POLE: variants seen among roughly 807,000 people sequenced by gnomAD.
The protein encoded by POLE is DNA polymerase epsilon, catalytic subunit.
Under a neutral mutation model 279.2 loss-of-function variants are expected in POLE, and 188 were observed. The observed-to-expected ratio is 0.67, with a 90% CI of 0.60 to 0.76. The LOEUF (loss-of-function observed/expected upper bound fraction) is 0.76. Ranked by LOEUF, POLE falls within the 30% of genes least tolerant of loss-of-function variation. The pLI, the probability that POLE is intolerant of heterozygous loss-of-function variation, is 0.00. For synonymous variants in POLE, 1,214 were observed against 1,172.5 expected (o/e 1.04, Z -0.72); for missense variants, 2,703 against 3,016.7 (o/e 0.90, Z 2.44).
At chr12:132,666,599 T>C (rs1372300252) in intron 20 of POLE, among the ~76,000 whole-genome samples, 3 of 152,182 alleles carry the variant, frequency 2.0e-5, no homozygotes, top group Non-Finnish European at 4.4e-5. Flanking sequence ...GAAAGCATCA[T>C]GCTAAGTGAA....
intron 13 of POLE, 130 bp downstream of exon 13, chr12:132,673,445 C>A: frequency 1.5e-6 from 2 of 1,360,952 alleles, no homozygotes; most frequent in Admixed American, 3.5e-5. Flanking sequence ...CTGGGTGGAG[C>A]GGGCTGGCAT....
chr12:132,647,912 A>G (rs1483510127), intron 32 of POLE, among the ~76,000 whole-genome samples: 3 of 152,108 alleles, frequency 2.0e-5, no homozygotes, highest in Non-Finnish European at 4.4e-5. Context: ...CTCTGCGTCT[A>G]CTTTCTATAT....
intron 45 of POLE, among the ~76,000 whole-genome samples, chr12:132,628,899 T>A (rs1396893967): frequency 1.3e-5 from 2 of 152,196 alleles, no homozygotes; most frequent in Admixed American, 1.3e-4. Context: ...CACACTCCTG[T>A]TAATGTTGAT....
Position 132,632,426 on chromosome 12 carries a change from T to C in POLE, c.6219A>G (p.Lys2073=), listed in dbSNP as rs1386483928. 2 of 1,613,962 alleles carry C rather than the reference T, an allele frequency of 1.2e-6. No homozygotes were observed. Among genetic ancestry groups the C allele is most frequent in the Non-Finnish European group, 1.7e-6 (2 of 1,179,934 alleles). The change falls in exon 45 of 49, where the codon AAA becomes AAG. Residue 2073 remains lysine (K), a synonymous_variant. Coordinates refer to ENST00000320574, the MANE Select transcript of POLE (RefSeq NM_006231.4). ...CAGTGGAGTTCCGAGAGCCTGTGACTTTCTTCTGAATCTTCTGAGTGATGG... is the reference window on the plus strand; with the variant it reads ...CAGTGGAGTTCCGAGAGCCTGTGACCTTCTTCTGAATCTTCTGAGTGATGG... ...FFTITQKIQK[K]VTGSRNSTEL... is the part of the protein sequence containing the mutation.
chr12:132,686,615 A>C (rs1243842949), intron 1 of POLE, among the ~76,000 whole-genome samples: 1 of 152,008 alleles, frequency 6.6e-6, no homozygotes, highest in East Asian at 2.0e-4. Flanking sequence ...GGCGCCTGTA[A>C]TTCCAGCTAC....
Position 132,681,651 on chromosome 12 carries a change from T to C in POLE, c.63-372A>G, listed in dbSNP as rs556543338. Reference sequence around the variant, plus strand: ...TAAGTGTTTCGGATATGACAGGGTATATATATTCCTGAAAAACCCCGAGCT... The same window carrying C: ...TAAGTGTTTCGGATATGACAGGGTACATATATTCCTGAAAAACCCCGAGCT... On this transcript the variant is annotated intron_variant, in intron 1 of 48. Coordinates refer to ENST00000320574, the MANE Select transcript of POLE (RefSeq NM_006231.4). Among the ~76,000 whole-genome samples, 22 of 152,300 alleles carry C rather than the reference T, an allele frequency of 1.4e-4. No individual in the cohort carries two copies. In the South Asian group the frequency reaches 4.6e-3, roughly 32 times the overall value.
rs1060500851 is a variant in POLE, at chr12:132,659,374, C to T, written c.3196G>A (p.Asp1066Asn). 2 of 1,614,114 alleles carry T rather than the reference C, an allele frequency of 1.2e-6. No homozygotes were observed. Among genetic ancestry groups the T allele is most frequent in the African/African-American group, 1.3e-5 (1 of 74,950 alleles). Residue 1066 changes from aspartate (D) to asparagine (N), a missense_variant, in exon 26 of 49, where the codon GAC becomes AAC. Coordinates refer to ENST00000320574, the MANE Select transcript of POLE (RefSeq NM_006231.4). ...AGCCCTGCATCCTTGACCATCTGGTCTCCCAGGAACTCGGCCAGGCGCTTT... is the reference window on the plus strand; with the variant it reads ...AGCCCTGCATCCTTGACCATCTGGTTTCCCAGGAACTCGGCCAGGCGCTTT... ...TAKRLAEFLGDQMVKDAGLSC... is the reference protein window; with the variant it reads ...TAKRLAEFLGNQMVKDAGLSC...
intron 42 of POLE, 63 bp downstream of exon 42, chr12:132,635,829 C>T: frequency 1.9e-6 from 3 of 1,554,016 alleles, no homozygotes; most frequent in East Asian, 2.3e-5. Flanking sequence ...GCACTCAGCA[C>T]TTGCTGCAGG....
At chr12:132,658,546 G>C (rs1467049408) in intron 26 of POLE, 1 of 153,226 alleles carries the variant, frequency 6.5e-6, no homozygotes, top group Non-Finnish European at 1.5e-5. Context: ...GTAACACACA[G>C]AAGACTCAGG....
At chr12:132,673,336 T>G (rs2042974418) in intron 13 of POLE, 59 bp from the exon 14 acceptor site, 1 of 1,304,288 alleles carries the variant, frequency 7.7e-7, no homozygotes, top group Admixed American at 1.7e-5. Context: ...GGGTCAAGTG[T>G]GAAGCACAGA....
At chr12:132,629,853 A>G (rs1040230564) in intron 45 of POLE, among the ~76,000 whole-genome samples, 4 of 152,198 alleles carry the variant, frequency 2.6e-5, no homozygotes, top group Non-Finnish European at 4.4e-5. Flanking sequence ...GACTTTCAAC[A>G]TGCCTTCCTA....
intron 29 of POLE, among the ~76,000 whole-genome samples, chr12:132,655,066 G>A (rs925392030): frequency 7.2e-5 from 11 of 152,052 alleles, no homozygotes; most frequent in Non-Finnish European, 1.5e-4. Flanking sequence ...CACCATGCCT[G>A]GTTACCTTTA....
intron 43 of POLE, chr12:132,633,917 T>C (rs1565928159): frequency 2.6e-6 from 1 of 383,506 alleles, no homozygotes; most frequent in South Asian, 6.7e-5. Flanking sequence ...AACTCCTCAA[T>C]GACACGGCCA....
intron 26 of POLE, chr12:132,658,275 T>C (rs1243985171): frequency 3.4e-6 from 1 of 296,286 alleles, no homozygotes; most frequent in African/African-American, 2.2e-5. Flanking sequence ...CGTTTCTCAT[T>C]GAGTAACCAC....
intron 42 of POLE, among the ~76,000 whole-genome samples, chr12:132,635,479 G>GGCCCT (rs1240266017): frequency 5.3e-5 from 8 of 152,234 alleles, no homozygotes; most frequent in Non-Finnish European, 8.8e-5. Flanking sequence ...CGAAAGCCGA[G>GGCCCT]GCCCTGCCCT....
rs2138607789 is a variant in POLE, at chr12:132,649,413, C to A, written c.3898G>T (p.Gly1300Cys). 1 of 1,613,204 alleles carries A rather than the reference C, an allele frequency of 6.2e-7. No homozygotes were observed. Among genetic ancestry groups the A allele is most frequent in the South Asian group, 1.1e-5 (1 of 91,088 alleles). ...CGGATGGCCCCGGGCCTGAGCACAC[C>A]CTCTGCCGACTCCAGACGCTGCCTC... ...RKRQRLESAE[G>C]VLRPGAIRDG... Residue 1300 changes from glycine (G) to cysteine (C), a missense_variant, in exon 31 of 49, where the codon GGT becomes TGT. This residue lies in a region of POLE where 1,551 missense variants were observed against 1,686.1 expected (regional missense o/e 0.92). Coordinates refer to ENST00000320574, the MANE Select transcript of POLE (RefSeq NM_006231.4).
At chr12:132,632,248 C>T in intron 45 of POLE, 67 bp downstream of exon 45, 1 of 1,299,014 alleles carries the variant, frequency 7.7e-7, no homozygotes. Flanking sequence ...ACCTTGCACA[C>T]AGTAACATTC....
In POLE at chr12:132,657,407, A is replaced by G. The variant is rs1054915845; in HGVS notation, c.3401T>C (p.Ile1134Thr). The change falls in exon 28 of 49, where the codon ATT becomes ACT. Residue 1134 changes from isoleucine (I) to threonine (T), a missense_variant. Coordinates refer to ENST00000320574, the MANE Select transcript of POLE (RefSeq NM_006231.4). Reference protein sequence around the residue: ...IRAILDWDYYIERLGSAIQKI... With the variant: ...IRAILDWDYYTERLGSAIQKI... ...CTGGATGGCGCTTCCCAGCCGCTCA[A>G]TGTAGTAGTCCCAATCCAGAATCTG... is the stretch of plus-strand genomic sequence containing the variant. 5.6e-6 allele frequency: 9 copies of G among 1,613,990 alleles called. No individual in the cohort carries two copies. Among genetic ancestry groups the G allele is most frequent in the African/African-American group, 4.0e-5 (3 of 74,900 alleles).
At chr12:132,642,084 A>G (rs1593728884) in intron 38 of POLE, 93 bp downstream of exon 38, 2 of 1,215,064 alleles carry the variant, frequency 1.6e-6, no homozygotes, top group East Asian at 2.3e-5. Context: ...TCGAACTCTG[A>G]GCCCATCCTC....
Sources: allele counts gnomAD v4.1 joint callset (sites outside exome capture counted in the v4.1 genomes callset), GRCh38; gene constraint gnomAD v4.1.1; regional missense constraint gnomAD v4.1.1; transcripts MANE v1.5; gene names NCBI Gene and HGNC (gene_info 2026-07-23, HGNC 2026-07-21).